The following STOX2 variants were observed in gnomAD, a reference collection of about 807,000 sequenced individuals.
The protein encoded by STOX2 is storkhead box 2.
A neutral mutation model predicts 60.9 loss-of-function variants in STOX2; 28 were observed. The observed-to-expected ratio is 0.46, with a 90% CI of 0.34 to 0.63. The LOEUF is 0.63. STOX2 is among the 30% of genes least tolerant of loss of function. The pLI, the probability that STOX2 is intolerant of heterozygous loss-of-function variation, is 0.01. For missense variants in STOX2, 1,024 were observed against 1,187.7 expected (o/e 0.86, Z 2.03); for synonymous variants, 472 against 463.9 (o/e 1.02, Z -0.22).
chr4:183,857,199 C>T lies in STOX2; in HGVS notation c.364+59144C>T, dbSNP rs564479051. ...TCATCCCACAGGACTGGTCATCCTG[C>T]AGGTCTCATCATCCCACAGGACTGG... On this transcript the variant is annotated intron_variant, in intron 1 of 2. Coordinates refer to the STOX2 transcript ENST00000513034. 3.9e-5 allele frequency among the ~76,000 whole-genome samples: 6 copies of T among 151,992 alleles called. No individual in the cohort carries two copies. The East Asian group carries it at 9.7e-4, about 25-fold the overall frequency.
chr4:183,874,989 A>ATG (rs1740795810), intron 1 of STOX2, among the ~76,000 whole-genome samples: 1 of 98,598 alleles, frequency 1.0e-5, no homozygotes, highest in Non-Finnish European at 2.0e-5. Flanking sequence ...ATATATATAT[A>ATG]TATAAAACTT....
intron 1 of STOX2, among the ~76,000 whole-genome samples, chr4:183,850,546 T>G (rs1422491496): frequency 2.0e-5 from 3 of 151,834 alleles, no homozygotes; most frequent in South Asian, 2.1e-4. Flanking sequence ...CTGACCAACA[T>G]GGTGAAACCC....
In STOX2 at chr4:183,898,401, G is replaced by C. The variant is rs1007330002; in HGVS notation, c.364+100346G>C. ...AAGACCCCAGAGGTTGGGAGACTGGGCATAAAGATGATACATTTTGTGGAA... is the reference window on the plus strand; with the variant it reads ...AAGACCCCAGAGGTTGGGAGACTGGCCATAAAGATGATACATTTTGTGGAA... On this transcript the variant is annotated intron_variant, in intron 1 of 2. Coordinates refer to the STOX2 transcript ENST00000513034. Among the ~76,000 whole-genome samples the C allele has an allele frequency of 4.0e-4, 61 of 152,286 alleles. 1 individual carries two copies. Among genetic ancestry groups the C allele is most frequent in the African/African-American group, 1.4e-3 (58 of 41,536 alleles).
At chr4:183,956,754 C>T (rs1743262304) in intron 1 of STOX2, among the ~76,000 whole-genome samples, 1 of 151,986 alleles carries the variant, frequency 6.6e-6, no homozygotes, top group Admixed American at 6.6e-5. Context: ...ATTCCAAACT[C>T]TAAGGATCAC....
At chr4:183,866,429 G>A (rs570941247) in intron 1 of STOX2, among the ~76,000 whole-genome samples, 1 of 152,266 alleles carries the variant, frequency 6.6e-6, no homozygotes, top group South Asian at 2.1e-4. Flanking sequence ...CTGGTGTTCT[G>A]AGTAGGATGC....
chr4:183,832,637 C>G (rs1739599440), intron 1 of STOX2, among the ~76,000 whole-genome samples: 1 of 151,846 alleles, frequency 6.6e-6, no homozygotes, highest in Non-Finnish European at 1.5e-5. Flanking sequence ...ATTACAGGTG[C>G]CTGCCACCAT....
chr4:183,933,853 A>C (rs1376252493), intron 1 of STOX2, among the ~76,000 whole-genome samples: 1 of 152,200 alleles, frequency 6.6e-6, no homozygotes, highest in African/African-American at 2.4e-5. Flanking sequence ...AAGATGTGTT[A>C]GGGAGACACA....
upstream of STOX2, among the ~76,000 whole-genome samples, chr4:183,902,930 G>A (rs865851684): frequency 6.6e-6 from 1 of 152,154 alleles, no homozygotes; most frequent in Non-Finnish European, 1.5e-5. Context: ...ATTTGGAGGT[G>A]GCTGAGTGGA....
At chr4:183,990,615 T>G (rs1240917576) in intron 1 of STOX2, among the ~76,000 whole-genome samples, 4 of 102,288 alleles carry the variant, frequency 3.9e-5, no homozygotes. Flanking sequence ...TTTTTTTTTT[T>G]GGTCATAGAG....
chr4:183,851,076 A>G (rs1197788679), intron 1 of STOX2, among the ~76,000 whole-genome samples: 1 of 127,194 alleles, frequency 7.9e-6, no homozygotes, highest in Non-Finnish European at 1.7e-5. Context: ...GAGGGAAAGG[A>G]TGAGAGAAAG....
intron 1 of STOX2, among the ~76,000 whole-genome samples, chr4:183,914,921 T>A (rs1741887495): frequency 6.6e-6 from 1 of 152,246 alleles, no homozygotes; most frequent in Admixed American, 6.5e-5. Flanking sequence ...AGAAGGGATA[T>A]GTTTTTGATG....
intron 1 of STOX2, among the ~76,000 whole-genome samples, chr4:183,913,688 T>C (rs1741849027): frequency 6.6e-6 from 1 of 152,080 alleles, no homozygotes; most frequent in South Asian, 2.1e-4. Flanking sequence ...GGAGAATCTC[T>C]TGAACCCTGG....
intron 1 of STOX2, among the ~76,000 whole-genome samples, chr4:183,827,876 CAAAAAAA>C (rs59675177): frequency 1.0e-5 from 1 of 99,232 alleles, no homozygotes; most frequent in Non-Finnish European, 2.1e-5. Context: ...AATCCTGCCT[CAAAAAAA>C]AAAAAAAAAA....
chr4:184,008,032 G>T (rs1410992288), intron 2 of STOX2, among the ~76,000 whole-genome samples: 1 of 152,194 alleles, frequency 6.6e-6, no homozygotes, highest in Non-Finnish European at 1.5e-5. Flanking sequence ...CAGCAGCCCG[G>T]CCCCAGCCTT....
chr4:183,877,433 C>G (rs941987096), intron 1 of STOX2, among the ~76,000 whole-genome samples: 2 of 152,166 alleles, frequency 1.3e-5, no homozygotes, highest in African/African-American at 4.8e-5. Context: ...TAGCATGAAT[C>G]TGGTTTTCAG....
intron 1 of STOX2, among the ~76,000 whole-genome samples, chr4:183,949,209 AGAT>A (rs1742994102): frequency 6.6e-6 from 1 of 152,246 alleles, no homozygotes. Context: ...ATAAGAGAGG[AGAT>A]CTCAGAAATG....
At position 184,010,837 on chromosome 4, in the gene STOX2, G is replaced by C. The variant is rs1235141315; in HGVS notation, c.1999G>C (p.Ala667Pro). Reference protein sequence around the residue: ...SPKGPGGGPAASGGVAEGIAN... With the variant: ...SPKGPGGGPAPSGGVAEGIAN... ...AAAAGGGCCGGGTGGGGGCCCCGCT[G>C]CTTCGGGAGGAGTGGCTGAAGGGAT... The change falls in exon 3 of 4, where the codon GCT becomes CCT. Residue 667 changes from alanine (A) to proline (P), a missense_variant. Transcript: ENST00000308497. This position sits in a 1 kb window ranked among gnomAD's most constrained non-coding sequence, Gnocchi z 4.5. The C allele has an allele frequency of 9.4e-6, 15 of 1,596,768 alleles. No individual in the cohort carries two copies. Among genetic ancestry groups the C allele is most frequent in the Non-Finnish European group, 2.6e-6 (3 of 1,171,510 alleles).
intron 1 of STOX2, among the ~76,000 whole-genome samples, chr4:183,976,814 A>G (rs1732466210): frequency 6.6e-6 from 1 of 152,222 alleles, no homozygotes; most frequent in Admixed American, 6.5e-5. Flanking sequence ...CACGTTTACC[A>G]TTCCTGTTGA....
At chr4:183,810,572 T>G (rs2111100111) in intron 1 of STOX2, among the ~76,000 whole-genome samples, 1 of 152,312 alleles carries the variant, frequency 6.6e-6, no homozygotes, top group South Asian at 2.1e-4. Flanking sequence ...AGTTCGTATC[T>G]TGGAATCTAA....
Sources: allele counts gnomAD v4.1 joint callset (sites outside exome capture counted in the v4.1 genomes callset), GRCh38; gene constraint gnomAD v4.1.1; non-coding constraint Gnocchi (gnomAD v3.1); transcripts MANE v1.5; gene names NCBI Gene and HGNC (gene_info 2026-07-23, HGNC 2026-07-21).